EIF4E2: variants seen among roughly 807,000 people sequenced by gnomAD.
The protein encoded by EIF4E2 is eukaryotic translation initiation factor 4E family member 2.
Under a neutral mutation model 34.2 loss-of-function variants are expected in EIF4E2, and 13 were observed. The observed-to-expected ratio is 0.38, with a 90% confidence interval of 0.25 to 0.60. The LOEUF is 0.60. Ranked by LOEUF, EIF4E2 falls within the 20% of genes least tolerant of loss-of-function variation. The probability of loss-of-function intolerance (pLI) is 0.62; values close to 1 mark genes in which losing one functional copy is unlikely to be tolerated. For synonymous variants in EIF4E2, 100 were observed against 106.6 expected, an observed-to-expected ratio of 0.94 and a Z score of 0.38; for missense variants, 222 against 315.1, an observed-to-expected ratio of 0.70 and a Z score of 2.24.
chr2:232,558,897 C>G (rs1692617996), intron 3 of EIF4E2: 1 of 152,058 alleles, frequency 6.6e-6, no homozygotes, highest in Admixed American at 6.6e-5. Flanking sequence ...CATCTCTCTC[C>G]CAGGTGACTT....
intron 6 of EIF4E2, among the ~76,000 whole-genome samples, chr2:232,574,498 T>C (rs1021253488): frequency 1.3e-5 from 2 of 152,208 alleles, no homozygotes; most frequent in Non-Finnish European, 2.9e-5. Flanking sequence ...CTGGGTCCCA[T>C]GTCTCCTGGT....
Position 232,562,708 on chromosome 2 carries a change from G to C in EIF4E2, c.271-1539G>C, listed in dbSNP as rs1692764906. Among the ~76,000 whole-genome samples, 3 of 152,346 alleles carry C rather than the reference G, an allele frequency of 2.0e-5. No individual in the cohort carries two copies. The South Asian group carries it at 6.2e-4, about 32-fold the overall frequency. On this transcript the variant is annotated intron_variant, in intron 3 of 6. Coordinates refer to ENST00000258416, the MANE Select transcript of EIF4E2 (RefSeq NM_004846.4). ...GGTTGACATACTTTGTCCTCACCAA[G>C]CCCCTTTCAGTTCCTTATTCACAAT...
chr2:232,565,461 C>T (rs1428549228), intron 4 of EIF4E2, among the ~76,000 whole-genome samples: 1 of 152,006 alleles, frequency 6.6e-6, no homozygotes, highest in Non-Finnish European at 1.5e-5. Context: ...TGGTGAAACC[C>T]CGTCTCTACT....
At chr2:232,580,714 A>G (rs1693331891) in intron 6 of EIF4E2, among the ~76,000 whole-genome samples, 1 of 152,206 alleles carries the variant, frequency 6.6e-6, no homozygotes, top group Non-Finnish European at 1.5e-5. Context: ...CAAAAAATTG[A>G]CTGGAAGTTT....
At chr2:232,582,111 A>G (rs6437068) in exon 7 of EIF4E2, 71,442 of 152,478 alleles carry the variant, frequency 0.47, 16,956 homozygotes, top group Middle Eastern at 0.61. Context: ...TGACTCCAGA[A>G]GGACTGAAGT....
intron 1 of EIF4E2, chr2:232,553,834 A>G (rs1408819932): frequency 1.3e-5 from 2 of 150,036 alleles, no homozygotes; most frequent in Admixed American, 6.7e-5. Context: ...TTCTCTGACA[A>G]TTATTTTTGT....
exon 7 of EIF4E2, chr2:232,580,934 C>A: frequency 1.3e-6 from 2 of 1,550,218 alleles, no homozygotes; most frequent in Non-Finnish European, 1.7e-6. Flanking sequence ...ATACAAAAAT[C>A]ACATTGTGAG....
At chr2:232,577,469 A>T (rs1009916090) in intron 6 of EIF4E2, among the ~76,000 whole-genome samples, 3 of 152,184 alleles carry the variant, frequency 2.0e-5, no homozygotes, top group African/African-American at 7.2e-5. Context: ...CTGAATGACC[A>T]CTTTGCCCCC....
At chr2:232,550,944 G>A (rs1313672466) in intron 1 of EIF4E2, 200 bp downstream of exon 1, 4 of 641,824 alleles carry the variant, frequency 6.2e-6, no homozygotes, top group Non-Finnish European at 1.1e-5. Context: ...CCCCAGGGCC[G>A]TCCGAACCGA....
At chr2:232,555,132 G>C (rs998819265) in intron 1 of EIF4E2, among the ~76,000 whole-genome samples, 3 of 152,098 alleles carry the variant, frequency 2.0e-5, no homozygotes, top group African/African-American at 7.2e-5. Flanking sequence ...TAGGCACTGG[G>C]GATTCGTGGG....
At chr2:232,555,125 G>A (rs1692477062) in intron 1 of EIF4E2, among the ~76,000 whole-genome samples, 1 of 152,106 alleles carries the variant, frequency 6.6e-6, no homozygotes, top group African/African-American at 2.4e-5. Flanking sequence ...AATGTACTAG[G>A]CACTGGGGAT....
intron 1 of EIF4E2, among the ~76,000 whole-genome samples, chr2:232,555,510 ATTCT>A (rs1413135200): frequency 6.6e-6 from 1 of 152,206 alleles, no homozygotes; most frequent in Admixed American, 6.5e-5. Context: ...GAACACATTT[ATTCT>A]TTCTTTCAGT....
downstream of EIF4E2, chr2:232,573,715 C>T (rs1312627932): frequency 4.9e-6 from 1 of 202,802 alleles, no homozygotes; most frequent in Non-Finnish European, 1.0e-5. Context: ...ACAGGTGGAA[C>T]CTGACACATT....
At chr2:232,574,041 G>C (rs1450738688), downstream of EIF4E2, 1 of 701,306 alleles carries the variant, frequency 1.4e-6, no homozygotes, top group South Asian at 1.5e-5. Flanking sequence ...GACTTCTCAA[G>C]TGAAGCAAGC....
At chr2:232,570,996 C>G (rs773683552), downstream of EIF4E2, among the ~76,000 whole-genome samples, 1 of 152,140 alleles carries the variant, frequency 6.6e-6, no homozygotes, top group Non-Finnish European at 1.5e-5. Context: ...TGTTTTCCTC[C>G]GAGTACTCTG....
At chr2:232,558,145 C>G in intron 3 of EIF4E2, 127 bp downstream of exon 3, 1 of 1,273,684 alleles carries the variant, frequency 7.9e-7, no homozygotes, top group Non-Finnish European at 1.1e-6. Context: ...TGACCTGAGT[C>G]TCCGGAGTCA....
At position 232,551,902 on chromosome 2, in the gene EIF4E2, A is replaced by G. The variant is rs11884935; in HGVS notation, c.20+1158A>G. Among the ~76,000 whole-genome samples, 1,254 of 152,174 alleles carry G rather than the reference A, an allele frequency of 8.2e-3. 19 individuals carry two copies. Among genetic ancestry groups the G allele is most frequent in the African/African-American group, 0.029 (1,200 of 41,494 alleles). On this transcript the variant is annotated intron_variant, in intron 1 of 6. Transcript: ENST00000258416. ...CTGAGAGGTCTCTGCTACTTGAGAA[A>G]GTCTTTGCCCGACCTCTTCTCTATC...
At chr2:232,576,153 A>G (rs1025544138) in intron 6 of EIF4E2, among the ~76,000 whole-genome samples, 4 of 152,114 alleles carry the variant, frequency 2.6e-5, no homozygotes, top group African/African-American at 4.8e-5. Flanking sequence ...GCAGTGAGCC[A>G]AGATCATGCC....
chr2:232,554,648 C>T (rs1413968529), intron 1 of EIF4E2, among the ~76,000 whole-genome samples: 3 of 152,172 alleles, frequency 2.0e-5, no homozygotes, highest in East Asian at 3.8e-4. Context: ...TGATGGTCTC[C>T]TGGAAGTCCA....
Sources: allele counts gnomAD v4.1 joint callset (sites outside exome capture counted in the v4.1 genomes callset), GRCh38; gene constraint gnomAD v4.1.1; transcripts MANE v1.5; gene names NCBI Gene and HGNC (gene_info 2026-07-23, HGNC 2026-07-21).